The following RAD54L variants were observed in gnomAD, a reference collection of about 807,000 sequenced individuals.
RAD54L encodes the protein RAD54 like, also known as DNA repair and recombination protein RAD54-like.
Under a neutral mutation model 91.6 loss-of-function variants are expected in RAD54L, and 74 were observed. The ratio of observed to expected loss-of-function variants is 0.81; its 90% CI spans 0.67 to 0.98. RAD54L has a LOEUF of 0.98. Among genes scored for constraint, RAD54L ranks in the 50% least tolerant of loss-of-function variants. The pLI is 0.00. For synonymous variants in RAD54L, 304 were observed against 349.7 expected (o/e 0.87, Z 1.46); for missense variants, 887 against 945.7 (o/e 0.94, Z 0.81).
intron 16 of RAD54L, among the ~76,000 whole-genome samples, chr1:46,276,398 C>G (rs1238055000): frequency 2.0e-5 from 3 of 152,006 alleles, no homozygotes; most frequent in African/African-American, 7.2e-5. Flanking sequence ...CATCTGGACT[C>G]AAGCGATCCA....
At chr1:46,250,756 A>G (rs180940952) in intron 3 of RAD54L, among the ~76,000 whole-genome samples, 5 of 152,024 alleles carry the variant, frequency 3.3e-5, no homozygotes, top group African/African-American at 1.2e-4. Flanking sequence ...GGGTGGATCA[A>G]CTGAGGTTAG....
Position 46,263,052 on chromosome 1 carries a change from A to C in RAD54L, c.891+1667A>C, listed in dbSNP as rs1660173910. Among the ~76,000 whole-genome samples the C allele has an allele frequency of 6.6e-6, 1 of 152,090 alleles. No individual in the cohort carries two copies. Among genetic ancestry groups the C allele is most frequent in the Admixed American group, 6.5e-5 (1 of 15,272 alleles). Reference sequence around the variant, plus strand: ...TTATCGCAGTGCCTGGTATGTCATAAGGCCTTGGCAAACGTAAGCTCTTGG... The same window carrying C: ...TTATCGCAGTGCCTGGTATGTCATACGGCCTTGGCAAACGTAAGCTCTTGG... On this transcript the variant is annotated intron_variant, in intron 8 of 17. Transcript: ENST00000371975. The surrounding 1 kb of genome is among the most constrained non-coding windows in gnomAD (Gnocchi z 4.3).
intron 12 of RAD54L, 134 bp from the exon 13 acceptor site, chr1:46,273,221 G>T: frequency 1.2e-6 from 1 of 812,028 alleles, no homozygotes; most frequent in Non-Finnish European, 2.2e-6. Flanking sequence ...GTTGGAATTT[G>T]GTAGGATGAA....
chr1:46,272,585 T>C, intron 11 of RAD54L, 45 bp downstream of exon 11: 1 of 1,610,510 alleles, frequency 6.2e-7, no homozygotes, highest in Non-Finnish European at 8.5e-7. Flanking sequence ...AAAGCCTAGC[T>C]CCTGAAGCAT....
rs756150051 is a variant in RAD54L at position 46,278,142 on chromosome 1, G to A, written c.2104G>A (p.Asp702Asn). Residue 702 changes from aspartate (D) to asparagine (N), a missense_variant, in exon 18 of 18, where the codon GAC (aspartate) becomes AAC (asparagine). Physicochemically the swap from Asp to Asn is conservative, Grantham distance 23. Transcript: ENST00000371975. ...PPPDGSDCTS[D>N]LAGWNHCTDK... is the part of the protein sequence containing the mutation. ...CCCTGATGGTTCTGACTGCACTTCA[G>A]ACCTGGCAGGGTGGAACCACTGCAC... 1.2e-6 allele frequency: 2 copies of A among 1,613,780 alleles called. No individual in the cohort carries two copies. The highest frequency in any genetic ancestry group is 1.7e-6 in the Non-Finnish European group (2 of 1,179,916).
chr1:46,258,587 A>T, intron 3 of RAD54L, 99 bp from the exon 4 acceptor site: 1 of 935,942 alleles, frequency 1.1e-6, no homozygotes, highest in South Asian at 1.3e-5. Context: ...AGCCTCGAAG[A>T]TGGATGCTGT....
At chr1:46,272,972 AC>A (rs1379630065) in intron 12 of RAD54L, among the ~76,000 whole-genome samples, 170 bp downstream of exon 12, 1 of 152,160 alleles carries the variant, frequency 6.6e-6, no homozygotes, top group Admixed American at 6.5e-5. Context: ...GAGTCTGTTT[AC>A]CAGACCCTTT....
In RAD54L at chr1:46,250,032, C is replaced by G; in HGVS notation, c.123C>G (p.Thr41=). ...GGAAACGGAAATCCAGCAGTGAGAC[C>G]CAGATCCAGGAGTGTTTCCTGTCTC... ...TPRKRKSSSE[T]QIQECFLSPF... The change falls in exon 3 of 18, where the codon ACC becomes ACG. Residue 41 remains threonine, a synonymous_variant. Coordinates refer to ENST00000371975, the MANE Select transcript of RAD54L (RefSeq NM_003579.4). The G allele has an allele frequency of 6.2e-7, 1 of 1,614,064 alleles. No individual in the cohort carries two copies. Among genetic ancestry groups the G allele is most frequent in the Non-Finnish European group, 8.5e-7 (1 of 1,179,930 alleles).
intron 3 of RAD54L, among the ~76,000 whole-genome samples, chr1:46,255,810 T>A (rs1659925974): frequency 6.6e-6 from 1 of 152,078 alleles, no homozygotes; most frequent in South Asian, 2.1e-4. Context: ...CCATTCCATT[T>A]TGCAGGCTGA....
intron 16 of RAD54L, among the ~76,000 whole-genome samples, chr1:46,276,281 C>T (rs1359514017): frequency 1.3e-5 from 2 of 152,138 alleles, no homozygotes; most frequent in Non-Finnish European, 1.5e-5. Flanking sequence ...ACCTCAACCC[C>T]CTGAAGTAGC....
Position 46,265,408 on chromosome 1 carries a change from G to A in RAD54L, c.892-2051G>A, listed in dbSNP as rs1401587894. Among the ~76,000 whole-genome samples the A allele has an allele frequency of 2.0e-5, 3 of 151,990 alleles. No homozygotes were observed. Among genetic ancestry groups the A allele is most frequent in the Non-Finnish European group, 4.4e-5 (3 of 67,992 alleles). On this transcript the variant is annotated intron_variant, in intron 8 of 17. Transcript: ENST00000371975. The surrounding 1 kb of genome is among the most constrained non-coding windows in gnomAD (Gnocchi z 4.8). The stretch of plus-strand genomic sequence containing the variant: ...TGAGGCACAAGAATTGCTTGAACTG[G>A]GGAGGCAGGCACATGCCACCACACC...
At chr1:46,251,910 CAAAA>C (rs781699860) in intron 3 of RAD54L, among the ~76,000 whole-genome samples, 14 of 152,122 alleles carry the variant, frequency 9.2e-5, no homozygotes, top group Non-Finnish European at 1.5e-4. Flanking sequence ...GACCCCGTCT[CAAAA>C]GAAAGAAAAT....
At chr1:46,272,112 G>A (rs887683498) in intron 10 of RAD54L, among the ~76,000 whole-genome samples, 1 of 132,190 alleles carries the variant, frequency 7.6e-6, no homozygotes. Flanking sequence ...GGGCGATCTC[G>A]GCTCACTGCA....
intron 8 of RAD54L, among the ~76,000 whole-genome samples, chr1:46,262,993 G>A (rs984786300): frequency 2.0e-5 from 3 of 152,000 alleles, no homozygotes; most frequent in East Asian, 1.9e-4. Context: ...TAGGATTATT[G>A]TGAGGATTAA....
Position 46,259,999 on chromosome 1 carries a change from G to T in RAD54L, c.307G>T (p.Ala103Ser), listed in dbSNP as rs1377486070. 1 of 1,614,138 alleles carries T rather than the reference G, an allele frequency of 6.2e-7. No homozygotes were observed. ...LGSRALGLKR[A>S]GVRRALHDPL... Reference sequence around the variant, plus strand: ...CTCTCGAGCATTGGGCCTGAAAAGGGCTGGGGTCCGCCGGGCCCTCCATGA... The same window carrying T: ...CTCTCGAGCATTGGGCCTGAAAAGGTCTGGGGTCCGCCGGGCCCTCCATGA... The change falls in exon 5 of 18, where the codon GCT (alanine) becomes TCT (serine). Residue 103 changes from alanine (A) to serine (S), a missense_variant. Ala to Ser is a moderately conservative substitution (Grantham distance 99, BLOSUM62 1). Transcript: ENST00000371975.
At chr1:46,253,404 G>A (rs1253025574) in intron 3 of RAD54L, among the ~76,000 whole-genome samples, 2 of 152,184 alleles carry the variant, frequency 1.3e-5, no homozygotes, top group Non-Finnish European at 2.9e-5. Context: ...ACAAGGTCAG[G>A]AGATCGGAGA....
At position 46,271,608 on chromosome 1, in the gene RAD54L, A is replaced by AGCTGCGCC. The variant is rs1453932302; in HGVS notation, c.1169+824_1169+831dup. 3.3e-5 allele frequency among the ~76,000 whole-genome samples: 5 copies of AGCTGCGCC among 151,972 alleles called. No individual in the cohort carries two copies. The East Asian group carries it at 9.7e-4, about 29-fold the overall frequency. ...GAGAGGCAGAGGTTGGAGTGAGCTG[A>AGCTGCGCC]GCTGCGCCACTGCACCCCAGCCTGG... On this transcript the variant is annotated intron_variant, in intron 10 of 17. Coordinates refer to ENST00000371975, the MANE Select transcript of RAD54L (RefSeq NM_003579.4).
At chr1:46,274,838 C>T in intron 16 of RAD54L, 121 bp downstream of exon 16, 2 of 1,165,408 alleles carry the variant, frequency 1.7e-6, no homozygotes, top group Non-Finnish European at 2.5e-6. Context: ...AGCTATGGGC[C>T]CAGAAGTGAG....
chr1:46,254,158 A>G (rs1326955120), intron 3 of RAD54L, among the ~76,000 whole-genome samples: 4 of 152,046 alleles, frequency 2.6e-5, no homozygotes, highest in African/African-American at 9.7e-5. Context: ...TGTTTTTAGT[A>G]GAGACATGGT....
Sources: allele counts gnomAD v4.1 joint callset (sites outside exome capture counted in the v4.1 genomes callset), GRCh38; gene constraint gnomAD v4.1.1; non-coding constraint Gnocchi (gnomAD v3.1); transcripts MANE v1.5; gene names NCBI Gene and HGNC (gene_info 2026-07-23, HGNC 2026-07-21).